MICU3: variants seen among roughly 807,000 people sequenced by gnomAD.
MICU3 encodes the protein mitochondrial calcium uptake 3, also known as calcium uptake protein 3, mitochondrial.
In MICU3, 62 loss-of-function variants were observed where a neutral mutation model predicts 66.5. The ratio of observed to expected loss-of-function variants is 0.93; its 90% CI spans 0.76 to 1.15. The LOEUF (loss-of-function observed/expected upper bound fraction) is 1.15. MICU3 is among the 50% of genes most tolerant of loss of function. The pLI, the probability that MICU3 is intolerant of heterozygous loss-of-function variation, is 0.00. For synonymous variants in MICU3, 308 were observed against 240.7 expected (o/e 1.28, Z -2.59); for missense variants, 779 against 664.4 (o/e 1.17, Z -1.90).
chr8:17,092,029 C>T (rs1048486085), intron 8 of MICU3, among the ~76,000 whole-genome samples: 5 of 152,018 alleles, frequency 3.3e-5, no homozygotes, highest in African/African-American at 9.7e-5. Context: ...AGGCACATGC[C>T]ACCATGCCCA....
the MICU3 span, among the ~76,000 whole-genome samples, chr8:17,129,291 T>C: frequency 1.3e-5 from 2 of 152,082 alleles, no homozygotes; most frequent in Non-Finnish European, 2.9e-5. Context: ...AATGTGACCC[T>C]TAAAAAGGGG....
chr8:17,105,400 A>AT lies in MICU3; in HGVS notation c.1086-8dup. 6.8e-7 allele frequency: 1 copy of AT among 1,466,374 alleles called. No homozygotes were observed. The highest frequency in any genetic ancestry group is 1.3e-5 in the South Asian group (1 of 78,010). The allele number at this position is 1,466,374 out of a possible 1,614,324, so 90.8% of individuals were successfully genotyped here. A position where few individuals can be genotyped will look rare whatever the true frequency, so the allele number is the denominator to read the frequency against. ...CTTTATCTTTTTCCTTCTTTATTACATTTTTGTCATAGATTCATGGATAAT... is the reference window on the plus strand; with the variant it reads ...CTTTATCTTTTTCCTTCTTTATTACATTTTTTGTCATAGATTCATGGATAAT... On this transcript the variant is annotated splice_polypyrimidine_tract_variant and intron_variant, in intron 10 of 14. Coordinates refer to ENST00000318063, the MANE Select transcript of MICU3 (RefSeq NM_181723.3).
At chr8:17,058,650 T>C (rs1342692575) in intron 1 of MICU3, among the ~76,000 whole-genome samples, 1 of 152,216 alleles carries the variant, frequency 6.6e-6, no homozygotes, top group Non-Finnish European at 1.5e-5. Context: ...TGAGTTCCTT[T>C]TGACACTTTG....
At chr8:17,134,858 C>G in the MICU3 span, among the ~76,000 whole-genome samples, 1 of 152,182 alleles carries the variant, frequency 6.6e-6, no homozygotes, top group Non-Finnish European at 1.5e-5. Context: ...CCTCCAAAAA[C>G]ACCCTCACAG....
At chr8:17,046,099 C>A (rs562071856) in intron 1 of MICU3, among the ~76,000 whole-genome samples, 201 of 152,314 alleles carry the variant, frequency 1.3e-3, no homozygotes, top group African/African-American at 4.6e-3. Flanking sequence ...GCTGCTGTAG[C>A]AAATTATTTG....
chr8:17,118,341 T>C (rs1467237762), intron 13 of MICU3, among the ~76,000 whole-genome samples: 1 of 151,250 alleles, frequency 6.6e-6, no homozygotes, highest in Non-Finnish European at 1.5e-5. Flanking sequence ...GATATTTTGG[T>C]ATATATATAT....
At chr8:17,053,029 A>G (rs753959220) in intron 1 of MICU3, among the ~76,000 whole-genome samples, 2 of 152,222 alleles carry the variant, frequency 1.3e-5, no homozygotes, top group Non-Finnish European at 2.9e-5. Flanking sequence ...TGAAATTAAT[A>G]CATTTTAAAA....
intron 1 of MICU3, among the ~76,000 whole-genome samples, chr8:17,060,390 G>A (rs963176916): frequency 5.9e-5 from 9 of 151,602 alleles, no homozygotes; most frequent in South Asian, 2.1e-4. Flanking sequence ...TCTGCCTCCC[G>A]GGTTACGAGT....
intron 1 of MICU3, among the ~76,000 whole-genome samples, chr8:17,051,190 G>T (rs1488714670): frequency 2.0e-5 from 3 of 151,614 alleles, no homozygotes; most frequent in Admixed American, 6.6e-5. Context: ...TACAGTATTA[G>T]TACCACATAG....
chr8:17,049,061 TTTCTC>T (rs1209912417), intron 1 of MICU3, among the ~76,000 whole-genome samples: 4 of 152,170 alleles, frequency 2.6e-5, no homozygotes, highest in Non-Finnish European at 4.4e-5. Context: ...CGTCAGCCGT[TTTCTC>T]TTCTTTCATA....
chr8:17,113,208 T>C (rs1802365149), intron 11 of MICU3, among the ~76,000 whole-genome samples: 1 of 152,208 alleles, frequency 6.6e-6, no homozygotes, highest in East Asian at 1.9e-4. Flanking sequence ...GCCTTGTTAG[T>C]GTCCCTTCCT....
chr8:17,028,120 T>C (rs1811345994), intron 1 of MICU3, among the ~76,000 whole-genome samples: 1 of 152,170 alleles, frequency 6.6e-6, no homozygotes, highest in South Asian at 2.1e-4. Context: ...TATGAGAATT[T>C]ATTAGTCCCA....
chr8:17,131,123 A>G, the MICU3 span: 1 of 152,370 alleles, frequency 6.6e-6, no homozygotes, highest in South Asian at 2.1e-4. Flanking sequence ...TTAAACAAGG[A>G]AATTTTAATG....
intron 2 of MICU3, among the ~76,000 whole-genome samples, chr8:17,066,681 T>A (rs1275042649): frequency 6.6e-6 from 1 of 151,362 alleles, no homozygotes; most frequent in Non-Finnish European, 1.5e-5. Flanking sequence ...TAGCTGGGAC[T>A]ACAGGCACAT....
the MICU3 span, among the ~76,000 whole-genome samples, chr8:17,128,404 G>A: frequency 1.3e-5 from 2 of 152,178 alleles, no homozygotes; most frequent in Non-Finnish European, 2.9e-5. Flanking sequence ...CATTTAGACT[G>A]CAGAAAATGC....
In MICU3 at chr8:17,105,511, T is replaced by G. The variant is rs1477765575; in HGVS notation, c.1184T>G (p.Leu395Arg). 1 of 1,579,012 alleles carries G rather than the reference T, an allele frequency of 6.3e-7. No individual in the cohort carries two copies. The highest frequency in any genetic ancestry group is 8.6e-7 in the Non-Finnish European group (1 of 1,158,692). The change falls in exon 11 of 15, where the codon CTT becomes CGT. Residue 395 changes from leucine to arginine, a missense_variant. By Grantham distance (102) the Leu-to-Arg change is moderately radical. Coordinates refer to ENST00000318063, the MANE Select transcript of MICU3 (RefSeq NM_181723.3). ...TISEEDFAHI[L>R]LRYTNVENTS... ...AGTGAAGAAGATTTTGCTCATATTC[T>G]TTTACGATATACAAATGTGGAAAAT...
intron 8 of MICU3, among the ~76,000 whole-genome samples, chr8:17,093,242 A>G (rs1457186766): frequency 6.6e-6 from 1 of 152,004 alleles, no homozygotes; most frequent in Middle Eastern, 3.2e-3. Flanking sequence ...TCAAAAGGAT[A>G]AATAATGCCA....
Position 17,116,524 on chromosome 8 carries a change from A to G in MICU3, c.1448A>G (p.Asp483Gly). 1 of 1,572,506 alleles carries G rather than the reference A, an allele frequency of 6.4e-7. No homozygotes were observed. The highest frequency in any genetic ancestry group is 8.6e-7 in the Non-Finnish European group (1 of 1,165,108). ...GTGAACACTGTCTTCAAGATTTTTGATGTTGACAAAGATGATCAATTAAGT... is the reference window on the plus strand; with the variant it reads ...GTGAACACTGTCTTCAAGATTTTTGGTGTTGACAAAGATGATCAATTAAGT... ...HLVNTVFKIF[D>G]VDKDDQLSYK... is the part of the protein sequence containing the mutation. The change falls in exon 13 of 15, where the codon GAT (aspartate) becomes GGT (glycine). Residue 483 changes from aspartate to glycine, a missense_variant. Transcript: ENST00000318063.
chr8:17,027,517 C>T lies in MICU3; in HGVS notation c.238C>T (p.Leu80=), dbSNP rs1289453535. ...AAAAGGGLVG[L]VCYQLYGDPR... ...GGCGGCCGGCGGGGGGCTGGTCGGC[C>T]TGGTATGCTACCAGCTGTACGGGGA... Residue 80 remains leucine, a synonymous_variant, in exon 1 of 15, where the codon CTG becomes TTG. Coordinates refer to ENST00000318063, the MANE Select transcript of MICU3 (RefSeq NM_181723.3). The T allele has an allele frequency of 8.6e-6, 11 of 1,284,118 alleles. No individual in the cohort carries two copies. Among genetic ancestry groups the T allele is most frequent in the Non-Finnish European group, 1.1e-5 (11 of 1,019,548 alleles). The allele number at this position is 1,284,118 out of a possible 1,614,324, so 79.5% of individuals were successfully genotyped here. A position where few individuals can be genotyped will look rare whatever the true frequency, so the allele number is the denominator to read the frequency against.
Sources: gnomAD v4.1 joint callset for allele counts (sites outside exome capture counted in the v4.1 genomes callset) on GRCh38, gnomAD v4.1.1 for gene constraint, MANE v1.5 for transcripts, NCBI Gene and HGNC (gene_info 2026-07-23, HGNC 2026-07-21) for gene names.